The following CRPPA variants were observed in gnomAD, a reference collection of about 807,000 sequenced individuals.
The protein encoded by CRPPA is CDP-L-ribitol pyrophosphorylase A, also known as D-ribitol-5-phosphate cytidylyltransferase.
CRPPA carries 43 observed loss-of-function variants against 52.0 expected under a neutral mutation model. The observed-to-expected ratio is 0.83, with a 90% CI of 0.65 to 1.07. The LOEUF is 1.07. Ranked by LOEUF, CRPPA falls within the 50% of genes least tolerant of loss-of-function variation. CRPPA has a pLI of 0.00. For missense variants in CRPPA, 629 were observed against 551.7 expected (o/e 1.14, Z -1.40); for synonymous variants, 250 against 203.5 (o/e 1.23, Z -1.94).
chr7:16,140,456 C>T (rs1782848404), intron 9 of CRPPA, among the ~76,000 whole-genome samples: 4 of 152,250 alleles, frequency 2.6e-5, no homozygotes, highest in Non-Finnish European at 2.9e-5. Context: ...TGACCCACTG[C>T]GCCCAGTCCT....
intron 1 of CRPPA, among the ~76,000 whole-genome samples, chr7:16,408,205 C>T (rs1788001198): frequency 6.6e-6 from 1 of 151,656 alleles, no homozygotes; most frequent in Non-Finnish European, 1.5e-5. Context: ...CACCGATCAA[C>T]AATTGCAAGC....
At position 16,339,799 on chromosome 7, in the gene CRPPA, A is replaced by G. The variant is rs114260240; in HGVS notation, c.685-31172T>C. Among the ~76,000 whole-genome samples, 548 of 152,328 alleles carry G rather than the reference A, an allele frequency of 3.6e-3. 4 individuals are homozygous for G. Among genetic ancestry groups the G allele is most frequent in the African/African-American group, 0.013 (520 of 41,584 alleles). ...TGCAGAAAATGTAAATGCATCAACA[A>G]AAAGAACTGGAGTAAGCCATTATGT... On this transcript the variant is annotated intron_variant, in intron 3 of 9. Transcript: ENST00000407010.
At chr7:16,202,807 T>C (rs1214404780) in intron 9 of CRPPA, among the ~76,000 whole-genome samples, 1 of 152,132 alleles carries the variant, frequency 6.6e-6, no homozygotes, top group African/African-American at 2.4e-5. Flanking sequence ...GACAATTTTG[T>C]CAAGGCTGAC....
chr7:16,128,331 T>G (rs1782619342), intron 9 of CRPPA, among the ~76,000 whole-genome samples: 1 of 152,182 alleles, frequency 6.6e-6, no homozygotes, highest in Non-Finnish European at 1.5e-5. Context: ...TGTAATTTTA[T>G]AATTTAAAAA....
At chr7:16,346,208 T>C (rs1041270256) in intron 3 of CRPPA, among the ~76,000 whole-genome samples, 4 of 152,192 alleles carry the variant, frequency 2.6e-5, no homozygotes, top group Admixed American at 6.6e-5. Context: ...CCTGCCTTTG[T>C]GGACTGCATA....
intron 4 of CRPPA, among the ~76,000 whole-genome samples, chr7:16,306,392 C>T (rs1784911989): frequency 6.6e-6 from 1 of 152,204 alleles, no homozygotes; most frequent in Non-Finnish European, 1.5e-5. Context: ...AGCAGAGCAT[C>T]AAGATGTACC....
chr7:16,172,640 TA>T (rs1781213200), intron 9 of CRPPA, among the ~76,000 whole-genome samples: 1 of 152,182 alleles, frequency 6.6e-6, no homozygotes, highest in South Asian at 2.1e-4. Flanking sequence ...TGTGTGATCA[TA>T]AATACTCAAA....
chr7:16,390,561 AAACT>A (rs1399725943), intron 2 of CRPPA, among the ~76,000 whole-genome samples: 2 of 152,118 alleles, frequency 1.3e-5, no homozygotes, highest in African/African-American at 4.8e-5. Flanking sequence ...TCATCTTCCC[AAACT>A]AACTCCTAGG....
intron 3 of CRPPA, among the ~76,000 whole-genome samples, chr7:16,310,329 G>A (rs1785007225): frequency 1.3e-5 from 2 of 151,884 alleles, no homozygotes; most frequent in South Asian, 4.2e-4. Flanking sequence ...AAAAAGCAAG[G>A]TCCAGCCCAG....
At chr7:16,421,008 G>T in intron 1 of CRPPA, 58 bp downstream of exon 1, 2 of 1,249,530 alleles carry the variant, frequency 1.6e-6, no homozygotes. Context: ...CAGCGGCAGG[G>T]CGGGGAGCGG....
chr7:16,323,513 C>T (rs1006928498), intron 3 of CRPPA, among the ~76,000 whole-genome samples: 3 of 152,068 alleles, frequency 2.0e-5, no homozygotes, highest in African/African-American at 7.2e-5. Context: ...ATCTGCTGGT[C>T]AAAGAAGGAT....
chr7:16,171,593 C>T (rs943256368), intron 9 of CRPPA, among the ~76,000 whole-genome samples: 5 of 151,938 alleles, frequency 3.3e-5, no homozygotes, highest in Non-Finnish European at 5.9e-5. Context: ...GGTGAAACCC[C>T]GTCTCTACTA....
At chr7:16,289,288 T>G (rs952597887) in intron 5 of CRPPA, among the ~76,000 whole-genome samples, 1 of 152,144 alleles carries the variant, frequency 6.6e-6, no homozygotes, top group African/African-American at 2.4e-5. Flanking sequence ...CAAGAAGAAC[T>G]GATACTAATC....
intron 4 of CRPPA, among the ~76,000 whole-genome samples, chr7:16,304,616 G>C (rs1047185317): frequency 6.6e-5 from 10 of 152,008 alleles, no homozygotes; most frequent in African/African-American, 1.9e-4. Flanking sequence ...ACTCCAGCCT[G>C]GGTGACAGAG....
At chr7:16,298,056 T>C (rs1400310442) in intron 5 of CRPPA, among the ~76,000 whole-genome samples, 1 of 152,216 alleles carries the variant, frequency 6.6e-6, no homozygotes, top group Non-Finnish European at 1.5e-5. Context: ...AATTTTTTTT[T>C]AATCCAAGAG....
rs781197672 is a variant in CRPPA, at chr7:16,271,358, ATCT to A, written c.933+6768_933+6770del. 2.6e-5 allele frequency among the ~76,000 whole-genome samples: 4 copies of A among 152,314 alleles called. No individual in the cohort carries two copies. In the South Asian group the frequency reaches 6.2e-4, roughly 24 times the overall value. On this transcript the variant is annotated intron_variant, in intron 6 of 9. Coordinates refer to ENST00000407010, the MANE Select transcript of CRPPA (RefSeq NM_001101426.4). ...ACTTTTAAGAGGAGCAGCCACCATA[ATCT>A]TCTTGTAAAGGTAAACTGGATCATG... is the stretch of plus-strand genomic sequence containing the variant.
chr7:16,365,086 G>A (rs1262228024), intron 3 of CRPPA, among the ~76,000 whole-genome samples: 4 of 152,124 alleles, frequency 2.6e-5, no homozygotes, highest in Non-Finnish European at 5.9e-5. Context: ...CTGCTTGTGG[G>A]CCCTCATGGT....
chr7:16,241,345 C>T (rs1372557327), intron 8 of CRPPA, among the ~76,000 whole-genome samples: 1 of 152,010 alleles, frequency 6.6e-6, no homozygotes, highest in Non-Finnish European at 1.5e-5. Context: ...TATTAAAATT[C>T]CCCCTGGTAA....
chr7:16,162,973 C>CCT (rs1554280766), intron 9 of CRPPA, among the ~76,000 whole-genome samples: 2 of 120,830 alleles, frequency 1.7e-5, no homozygotes, highest in Non-Finnish European at 3.4e-5. Flanking sequence ...TTTTCTTTCT[C>CCT]TTTTTTTTTT....
Sources: allele counts gnomAD v4.1 joint callset (sites outside exome capture counted in the v4.1 genomes callset), GRCh38; gene constraint gnomAD v4.1.1; transcripts MANE v1.5; gene names NCBI Gene and HGNC (gene_info 2026-07-23, HGNC 2026-07-21).